CNTLN: variants seen among roughly 807,000 people sequenced by gnomAD.
The protein encoded by CNTLN is centlein.
CNTLN carries 212 observed loss-of-function variants against 180.0 expected under a neutral mutation model. The ratio of observed to expected loss-of-function variants is 1.18; its 90% CI spans 1.05 to 1.32. CNTLN has a LOEUF of 1.32. Among genes scored for constraint, CNTLN ranks in the 40% most tolerant of loss-of-function variants. The probability of loss-of-function intolerance (pLI) is 0.00; values close to 1 mark genes in which losing one functional copy is unlikely to be tolerated. For synonymous variants in CNTLN, 722 were observed against 563.1 expected (o/e 1.28, Z -3.99); for missense variants, 2,095 against 1,610.9 (o/e 1.30, Z -5.14).
chr9:17,278,734 T>C (rs1316803884), intron 6 of CNTLN, among the ~76,000 whole-genome samples: 1 of 152,076 alleles, frequency 6.6e-6, no homozygotes, highest in Non-Finnish European at 1.5e-5. Context: ...AATAAATACA[T>C]GCAGTACAGA....
At chr9:17,136,495 A>AGT (rs1817727142) in intron 1 of CNTLN, among the ~76,000 whole-genome samples, 1 of 152,050 alleles carries the variant, frequency 6.6e-6, no homozygotes, top group African/African-American at 2.4e-5. Flanking sequence ...ACGCCTGGCT[A>AGT]ATTTTTTGTA....
intron 2 of CNTLN, among the ~76,000 whole-genome samples, chr9:17,211,431 A>G (rs1410319035): frequency 2.6e-5 from 4 of 152,196 alleles, no homozygotes; most frequent in African/African-American, 4.8e-5. Context: ...TTTTGGTACC[A>G]GTACCATGCT....
In CNTLN at chr9:17,390,235, C is replaced by CTTTTTTTTTT. The variant is rs35329298; in HGVS notation, c.2079+1994_2079+2003dup. Among the ~76,000 whole-genome samples, 125 of 77,402 alleles carry CTTTTTTTTTT rather than the reference C, an allele frequency of 1.6e-3. 9 individuals are homozygous for CTTTTTTTTTT. The highest frequency in any genetic ancestry group is 5.3e-3 in the African/African-American group (110 of 20,574). 50.8% of individuals were successfully genotyped at this position (77,402 alleles called of 152,430 possible). On this transcript the variant is annotated intron_variant, in intron 14 of 25. Coordinates refer to ENST00000380647, the MANE Select transcript of CNTLN (RefSeq NM_017738.4). Reference sequence around the variant, plus strand: ...TGTATTTCAGTTTTGAAAAGAGCCTCTTTTTTTTTTTTTTTTTTTTTGGAG... The same window carrying CTTTTTTTTTT: ...TGTATTTCAGTTTTGAAAAGAGCCTCTTTTTTTTTTTTTTTTTTTTTTTTTTTTTTTGGAG...
At chr9:17,465,199 C>G (rs552515052) in intron 21 of CNTLN, among the ~76,000 whole-genome samples, 13 of 150,030 alleles carry the variant, frequency 8.7e-5, no homozygotes, top group South Asian at 8.3e-4. Context: ...AAATGTTATC[C>G]ACACCTGAGA....
At chr9:17,214,924 G>C (rs199843419) in intron 2 of CNTLN, among the ~76,000 whole-genome samples, 2 of 152,120 alleles carry the variant, frequency 1.3e-5, no homozygotes, top group Non-Finnish European at 1.5e-5. Flanking sequence ...AAGGACTTCT[G>C]TACACTGGTT....
chr9:17,512,244 T>C, the CNTLN span, among the ~76,000 whole-genome samples: 2 of 152,160 alleles, frequency 1.3e-5, no homozygotes, highest in Non-Finnish European at 2.9e-5. Context: ...AAAGCCAAAG[T>C]AGAATAAGCC....
chr9:17,295,217 C>CA, intron 6 of CNTLN, among the ~76,000 whole-genome samples: 1 of 152,084 alleles, frequency 6.6e-6, no homozygotes, highest in Non-Finnish European at 1.5e-5. Context: ...TGTCCCTCCA[C>CA]ACCTCCCTGC....
At chr9:17,323,842 T>C (rs1307013136) in intron 8 of CNTLN, among the ~76,000 whole-genome samples, 1 of 152,150 alleles carries the variant, frequency 6.6e-6, no homozygotes. Context: ...TTAATTACCC[T>C]AGCAGTTAAC....
intron 15 of CNTLN, among the ~76,000 whole-genome samples, chr9:17,401,575 A>G (rs189971434): frequency 2.0e-5 from 3 of 151,224 alleles, no homozygotes; most frequent in Admixed American, 2.0e-4. Flanking sequence ...ATCTTGCTAC[A>G]TTGCCTAGGC....
chr9:17,470,116 A>G (rs1312868174), intron 23 of CNTLN, among the ~76,000 whole-genome samples: 1 of 151,884 alleles, frequency 6.6e-6, no homozygotes, highest in African/African-American at 2.4e-5. Context: ...TGTTTCAAGT[A>G]GATTAAAGCC....
At chr9:17,287,883 T>G (rs1002493962) in intron 6 of CNTLN, among the ~76,000 whole-genome samples, 5 of 146,674 alleles carry the variant, frequency 3.4e-5, no homozygotes, top group African/African-American at 5.3e-5. Flanking sequence ...TTGTGTCTAT[T>G]TGATTCTTCT....
intron 2 of CNTLN, among the ~76,000 whole-genome samples, chr9:17,221,206 T>C (rs1424219937): frequency 6.6e-6 from 1 of 152,084 alleles, no homozygotes; most frequent in Non-Finnish European, 1.5e-5. Context: ...AACATTCAAG[T>C]GGTAATTTGA....
In CNTLN at chr9:17,269,486, AT is replaced by A. The variant is rs1827778843; in HGVS notation, c.850-4243del. ...TTCTAATTTTTATTTGTCTCAAGGTATTTTCTAATTTCTTTCTTTCATGATC... is the reference window on the plus strand; with the variant it reads ...TTCTAATTTTTATTTGTCTCAAGGTATTTCTAATTTCTTTCTTTCATGATC... On this transcript the variant is annotated intron_variant, in intron 5 of 25. Transcript: ENST00000380647. 2.0e-5 allele frequency among the ~76,000 whole-genome samples: 3 copies of A among 151,726 alleles called. No homozygotes were observed. The South Asian group carries it at 6.2e-4, about 32-fold the overall frequency.
At chr9:17,213,569 G>A (rs1209475977) in intron 2 of CNTLN, among the ~76,000 whole-genome samples, 5 of 152,146 alleles carry the variant, frequency 3.3e-5, no homozygotes, top group Non-Finnish European at 7.3e-5. Flanking sequence ...ATGTCTCTTA[G>A]GTCTGCTTGG....
chr9:17,449,389 G>A (rs923062285), intron 18 of CNTLN, among the ~76,000 whole-genome samples: 2 of 150,996 alleles, frequency 1.3e-5, no homozygotes, highest in Non-Finnish European at 2.9e-5. Flanking sequence ...TTGTTCTTGC[G>A]ATAGTTTACT....
intron 2 of CNTLN, among the ~76,000 whole-genome samples, chr9:17,158,230 G>T (rs1819433942): frequency 6.6e-6 from 1 of 152,054 alleles, no homozygotes; most frequent in Non-Finnish European, 1.5e-5. Context: ...ACTCAACCTT[G>T]CATCTGTAGG....
intron 9 of CNTLN, among the ~76,000 whole-genome samples, 162 bp from the exon 10 acceptor site, chr9:17,332,443 C>T (rs1032767855): frequency 1.3e-5 from 2 of 151,660 alleles, no homozygotes; most frequent in African/African-American, 4.8e-5. Flanking sequence ...AGCGGTAGCA[C>T]TGTGGTAATT....
intron 18 of CNTLN, among the ~76,000 whole-genome samples, chr9:17,429,520 G>A (rs77268687): frequency 0.017 from 2,608 of 151,970 alleles, 30 homozygotes; most frequent in Non-Finnish European, 0.026. Context: ...TAAATTTAAG[G>A]CACTTAGAAA....
At chr9:17,351,545 T>C (rs1822363838) in intron 12 of CNTLN, among the ~76,000 whole-genome samples, 1 of 152,202 alleles carries the variant, frequency 6.6e-6, no homozygotes, top group Non-Finnish European at 1.5e-5. Context: ...CATGGTGTTA[T>C]AAGTTTATGT....
Sources: gnomAD v4.1 joint callset for allele counts (sites outside exome capture counted in the v4.1 genomes callset) on GRCh38, gnomAD v4.1.1 for gene constraint, MANE v1.5 for transcripts, NCBI Gene and HGNC (gene_info 2026-07-23, HGNC 2026-07-21) for gene names.